The following GPR158 variants were observed in gnomAD, a reference collection of about 807,000 sequenced individuals.
GPR158 encodes metabotropic glycine receptor.
Under a neutral mutation model 78.2 loss-of-function variants are expected in GPR158, and 30 were observed. The ratio of observed to expected loss-of-function variants is 0.38; its 90% confidence interval spans 0.29 to 0.52. GPR158 has a LOEUF of 0.52. Among genes scored for constraint, GPR158 ranks in the 20% least tolerant of loss-of-function variants. The pLI, the probability that GPR158 is intolerant of heterozygous loss-of-function variation, is 0.83. For missense variants in GPR158, 1,463 were observed against 1,523.5 expected (o/e 0.96, Z 0.66); for synonymous variants, 581 against 591.1 (o/e 0.98, Z 0.25).
chr10:25,501,255 C>T (rs918383476), intron 5 of GPR158, among the ~76,000 whole-genome samples: 14 of 152,140 alleles, frequency 9.2e-5, no homozygotes, highest in Admixed American at 1.3e-4. Context: ...TGCTGCACTG[C>T]GCAGTCTCAC....
At position 25,598,949 on chromosome 10, in the gene GPR158, G is replaced by C. The variant is rs754333410; in HGVS notation, c.3323G>C (p.Arg1108Pro). Residue 1108 changes from arginine to proline, a missense_variant, in exon 11 of 11, where the codon CGT (arginine) becomes CCT (proline). Physicochemically the swap from Arg to Pro is moderately radical, Grantham distance 103. Transcript: ENST00000376351. The part of the protein sequence containing the change: ...RAKEENGGQP[R>P]AANVCAGQSE... ...AAAGAGGAGAACGGAGGTCAGCCTCGTGCAGCCAATGTGTGTGCTGGGCAG... is the reference window on the plus strand; with the variant it reads ...AAAGAGGAGAACGGAGGTCAGCCTCCTGCAGCCAATGTGTGTGCTGGGCAG... 2 of 1,613,916 alleles carry C rather than the reference G, an allele frequency of 1.2e-6. No individual in the cohort carries two copies. The highest frequency in any genetic ancestry group is 1.7e-5 in the Admixed American group (1 of 60,012).
intron 4 of GPR158, among the ~76,000 whole-genome samples, chr10:25,443,103 G>C (rs1049093179): frequency 6.7e-6 from 1 of 149,946 alleles, no homozygotes; most frequent in African/African-American, 2.5e-5. Flanking sequence ...TTTTTTTTAA[G>C]AGACAGGGTA....
chr10:25,385,818 A>T (rs2130513115), intron 2 of GPR158, among the ~76,000 whole-genome samples: 1 of 152,154 alleles, frequency 6.6e-6, no homozygotes, highest in East Asian at 1.9e-4. Flanking sequence ...TTTCTGTGTC[A>T]TTGTGTTGCA....
intron 4 of GPR158, among the ~76,000 whole-genome samples, chr10:25,452,293 G>A (rs1209572252): frequency 4.6e-5 from 7 of 151,952 alleles, no homozygotes; most frequent in Admixed American, 2.0e-4. Context: ...TAATCCTCTC[G>A]CCCCTGCCTC....
chr10:25,595,513 C>T (rs1271349015), intron 9 of GPR158, among the ~76,000 whole-genome samples: 1 of 152,184 alleles, frequency 6.6e-6, no homozygotes, highest in Non-Finnish European at 1.5e-5. Flanking sequence ...TGTTTACCAA[C>T]TGACAAATGT....
chr10:25,299,116 A>G (rs1854555747), intron 2 of GPR158, among the ~76,000 whole-genome samples: 1 of 152,204 alleles, frequency 6.6e-6, no homozygotes, highest in Non-Finnish European at 1.5e-5. Flanking sequence ...TTATCAGTAT[A>G]CATTTTGTTT....
intron 5 of GPR158, among the ~76,000 whole-genome samples, chr10:25,499,227 G>A (rs1483866745): frequency 3.9e-5 from 6 of 151,946 alleles, no homozygotes; most frequent in Non-Finnish European, 8.8e-5. Context: ...CAATAACATC[G>A]CAATTTCCAG....
intron 2 of GPR158, among the ~76,000 whole-genome samples, chr10:25,317,111 C>T (rs993222705): frequency 3.3e-5 from 5 of 150,654 alleles, no homozygotes; most frequent in East Asian, 2.0e-4. Context: ...TTGGCGTGAT[C>T]TTGGCTCACT....
intron 2 of GPR158, among the ~76,000 whole-genome samples, chr10:25,341,835 AAAAAAC>A (rs148411420): frequency 0.037 from 5,602 of 151,672 alleles, 340 homozygotes; most frequent in African/African-American, 0.13. Flanking sequence ...GTATTCTGAA[AAAAAAC>A]AAAAACAAAA....
chr10:25,586,865 A>G (rs1837276794), intron 7 of GPR158, among the ~76,000 whole-genome samples: 1 of 152,202 alleles, frequency 6.6e-6, no homozygotes, highest in Non-Finnish European at 1.5e-5. Flanking sequence ...TGAAACTGTT[A>G]CTGAAATGCC....
intron 1 of GPR158, among the ~76,000 whole-genome samples, chr10:25,216,359 CATG>C (rs1172904129): frequency 6.6e-6 from 1 of 152,072 alleles, no homozygotes; most frequent in Admixed American, 6.6e-5. Context: ...TCCAAGGTAA[CATG>C]AGGAGGGAGG....
chr10:25,233,973 T>C (rs1480859084), intron 2 of GPR158, among the ~76,000 whole-genome samples: 1 of 152,232 alleles, frequency 6.6e-6, no homozygotes, highest in East Asian at 1.9e-4. Context: ...TTAATATATT[T>C]GTTTTATTGA....
rs545976893 is a variant in GPR158, at chr10:25,199,154, G to A, written c.903-21898G>A. On this transcript the variant is annotated intron_variant, in intron 1 of 10. Transcript: ENST00000376351. The stretch of plus-strand genomic sequence containing the variant: ...TGTTTTTTTTTTGCTTTTATTATAG[G>A]TTCATGGTTACATGTACAGGTCTGT... Among the ~76,000 whole-genome samples, 6 of 149,022 alleles carry A rather than the reference G, an allele frequency of 4.0e-5. No individual in the cohort carries two copies. The South Asian group carries it at 1.3e-3, about 32-fold the overall frequency.
rs1852719500 is a variant in GPR158, at chr10:25,188,390, A to T, written c.902+12068A>T. Among the ~76,000 whole-genome samples, 3 of 152,322 alleles carry T rather than the reference A, an allele frequency of 2.0e-5. No individual in the cohort carries two copies. In the East Asian group the frequency reaches 5.8e-4, roughly 29 times the overall value. On this transcript the variant is annotated intron_variant, in intron 1 of 10. Coordinates refer to ENST00000376351, the MANE Select transcript of GPR158 (RefSeq NM_020752.3). ...GCCAGCTGACTTCAAACTATACTAC[A>T]AGGCTACAGTATCCAAAACAGCATG...
chr10:25,374,336 A>G (rs1207413427), intron 2 of GPR158, among the ~76,000 whole-genome samples: 1 of 151,592 alleles, frequency 6.6e-6, no homozygotes, highest in African/African-American at 2.4e-5. Context: ...TGTATTCCCC[A>G]ATGGTAACAT....
At chr10:25,327,435 C>T (rs1855052062) in intron 2 of GPR158, among the ~76,000 whole-genome samples, 2 of 152,288 alleles carry the variant, frequency 1.3e-5, no homozygotes, top group African/African-American at 4.8e-5. Flanking sequence ...TTTCTGCTGT[C>T]AGCAGTACAG....
intron 4 of GPR158, among the ~76,000 whole-genome samples, chr10:25,452,324 G>T (rs552663964): frequency 6.6e-6 from 1 of 152,100 alleles, no homozygotes; most frequent in Non-Finnish European, 1.5e-5. Context: ...AGGATTATAG[G>T]CATGAGCCAC....
intron 2 of GPR158, among the ~76,000 whole-genome samples, chr10:25,313,781 G>T (rs893820317): frequency 1.3e-4 from 20 of 152,030 alleles, no homozygotes; most frequent in Non-Finnish European, 2.6e-4. Flanking sequence ...AAATTATATT[G>T]ATTGGTAATT....
chr10:25,339,920 C>T (rs998149238), intron 2 of GPR158, among the ~76,000 whole-genome samples: 1 of 152,036 alleles, frequency 6.6e-6, no homozygotes, highest in African/African-American at 2.4e-5. Context: ...ATATGTGCAG[C>T]TTAGGAATCA....
Sources: gnomAD v4.1 joint callset for allele counts (sites outside exome capture counted in the v4.1 genomes callset) on GRCh38, gnomAD v4.1.1 for gene constraint, MANE v1.5 for transcripts, NCBI Gene and HGNC (gene_info 2026-07-23, HGNC 2026-07-21) for gene names.